Variants in RBFOX1 observed in about 807,000 individuals in gnomAD.
RBFOX1 encodes the protein RNA binding protein fox-1 homolog 1.
RBFOX1 carries 8 observed loss-of-function variants against 57.7 expected under a neutral mutation model. That is an observed-to-expected ratio of 0.14 (90% CI 0.08 to 0.25). RBFOX1 has a LOEUF of 0.25. Ranked by LOEUF, RBFOX1 falls within the 10% of genes least tolerant of loss-of-function variation. RBFOX1 has a pLI of 1.00. For missense variants in RBFOX1, 611 were observed against 548.5 expected (o/e 1.11, Z -1.14); for synonymous variants, 326 against 222.4 (o/e 1.47, Z -4.15).
chr16:7,070,785 C>T (rs2057171118), intron 4 of RBFOX1, among the ~76,000 whole-genome samples: 1 of 152,150 alleles, frequency 6.6e-6, no homozygotes, highest in Admixed American at 6.5e-5. Context: ...TTAGCCATCC[C>T]CCTTCCCCTT....
At chr16:6,220,073 T>C (rs2097362209) in intron 1 of RBFOX1, among the ~76,000 whole-genome samples, 1 of 152,126 alleles carries the variant, frequency 6.6e-6, no homozygotes, top group African/African-American at 2.4e-5. Context: ...TATAAATGTA[T>C]TTATCTATAT....
At chr16:6,780,039 A>T (rs1197322331) in intron 3 of RBFOX1, among the ~76,000 whole-genome samples, 1 of 41,494 alleles carries the variant, frequency 2.4e-5, no homozygotes, top group Non-Finnish European at 3.7e-5. Flanking sequence ...ATATATTTAT[A>T]TATATTTACA....
At chr16:6,271,433 AAAAC>A (rs987587389) in intron 1 of RBFOX1, among the ~76,000 whole-genome samples, 25 of 152,306 alleles carry the variant, frequency 1.6e-4, no homozygotes, top group African/African-American at 6.0e-4. Context: ...AAAAACAAAC[AAAAC>A]AAACAGGGAA....
chr16:6,758,012 C>A (rs12921090), intron 3 of RBFOX1, among the ~76,000 whole-genome samples: 69,981 of 151,976 alleles, frequency 0.46, 16,338 homozygotes, highest in Middle Eastern at 0.52. Context: ...TCCTCTATTA[C>A]ATTGAACTGT....
chr16:6,617,572 C>A lies in RBFOX1; in HGVS notation c.-63-37031C>A, dbSNP rs117113961. ...GTGGTTATAGACAGGGCTGGAGGAC[C>A]TTTCCTCCTACCACTTACATGTGGG... On this transcript the variant is annotated intron_variant, in intron 2 of 15. Transcript: ENST00000550418. Among the ~76,000 whole-genome samples, 192 of 152,158 alleles carry A rather than the reference C, an allele frequency of 1.3e-3. 1 individual carries two copies. Among genetic ancestry groups the A allele is most frequent in the Non-Finnish European group, 1.9e-3 (131 of 68,018 alleles).
chr16:6,873,630 C>T (rs935049108), intron 3 of RBFOX1, among the ~76,000 whole-genome samples: 2 of 152,116 alleles, frequency 1.3e-5, no homozygotes, highest in Admixed American at 6.6e-5. Flanking sequence ...TAAGATTTTA[C>T]ACCAGCCATG....
At chr16:5,530,046 A>C (rs2044403984) in intron 2 of RBFOX1, among the ~76,000 whole-genome samples, 1 of 152,148 alleles carries the variant, frequency 6.6e-6, no homozygotes, top group East Asian at 1.9e-4. Context: ...CCTTGCTTTC[A>C]GGCTTTTAGC....
At chr16:7,710,422 G>A in intron 15 of RBFOX1, 2 of 1,396,946 alleles carry the variant, frequency 1.4e-6, no homozygotes, top group Non-Finnish European at 1.8e-6. Flanking sequence ...TGGTTTTGCA[G>A]GGAATTTCTT....
chr16:6,899,589 C>T (rs886563588), intron 3 of RBFOX1, among the ~76,000 whole-genome samples: 16 of 152,292 alleles, frequency 1.1e-4, no homozygotes, highest in Middle Eastern at 6.8e-3. Flanking sequence ...AGATTTTGAG[C>T]ACAGCTCCAG....
chr16:5,285,365 A>AT (rs55960520), intron 1 of RBFOX1, among the ~76,000 whole-genome samples: 50,177 of 151,712 alleles, frequency 0.33, 8,773 homozygotes, highest in Admixed American at 0.47. Context: ...TGTTTTCCTG[A>AT]TTTTTTTGTA....
At chr16:7,084,343 G>A (rs1185370582) in intron 4 of RBFOX1, among the ~76,000 whole-genome samples, 19 of 151,578 alleles carry the variant, frequency 1.3e-4, no homozygotes, top group Admixed American at 1.2e-3. Context: ...GAGGAGGGAA[G>A]AAAGAAAAAA....
intron 3 of RBFOX1, among the ~76,000 whole-genome samples, chr16:5,716,880 G>A (rs1204226585): frequency 6.6e-6 from 1 of 152,182 alleles, no homozygotes; most frequent in Admixed American, 6.5e-5. Context: ...CCCCTAAAAT[G>A]TCCAAGCCTG....
intron 14 of RBFOX1, among the ~76,000 whole-genome samples, chr16:7,690,270 C>A (rs1028125122): frequency 1.3e-5 from 2 of 152,086 alleles, no homozygotes; most frequent in African/African-American, 4.8e-5. Flanking sequence ...AAGGTGAGGA[C>A]CATTCACCTC....
rs1320806785 is a variant in RBFOX1 at position 6,780,409 on chromosome 16, T to TA, written c.-16+125759_-16+125760insA. 2.2e-4 allele frequency among the ~76,000 whole-genome samples: 18 copies of TA among 82,418 alleles called. 2 individuals carry two copies. The highest frequency in any genetic ancestry group is 3.3e-4 in the Non-Finnish European group (17 of 52,152). The allele number at this position is 82,418 out of a possible 152,430, so 54.1% of individuals were successfully genotyped here. A position where few individuals can be genotyped will look rare whatever the true frequency, so the allele number is the denominator to read the frequency against. ...CATATTATATATATTTTTATATATATTTATATATATTTATATATATTTATA... is the reference window on the plus strand; with the variant it reads ...CATATTATATATATTTTTATATATATATTATATATATTTATATATATTTATA... On this transcript the variant is annotated intron_variant, in intron 3 of 15. Coordinates refer to ENST00000550418, the MANE Select transcript of RBFOX1 (RefSeq NM_018723.4).
chr16:7,676,792 C>A lies in RBFOX1; in HGVS notation c.949C>A (p.Arg317Ser). ...ADIYGGYAAY[R>S]YAQPTPATAA... Reference sequence around the variant, plus strand: ...GTTTTAGGGTGGTTATGCTGCATACCGCTACGCCCAGCCTACCCCTGCCAC... The same window carrying A: ...GTTTTAGGGTGGTTATGCTGCATACAGCTACGCCCAGCCTACCCCTGCCAC... The change falls in exon 14 of 16, where the codon CGC (arginine) becomes AGC (serine). Residue 317 changes from arginine to serine, a missense_variant. Around this residue, in one of 3 missense-constraint regions of RBFOX1, gnomAD observed 267 missense variants for 229.1 expected, o/e 1.17. Transcript: ENST00000550418. 6.2e-7 allele frequency: 1 copy of A among 1,613,210 alleles called. No homozygotes were observed. The highest frequency in any genetic ancestry group is 8.5e-7 in the Non-Finnish European group (1 of 1,179,436).
chr16:5,595,966 A>C (rs1224885159), intron 2 of RBFOX1, among the ~76,000 whole-genome samples: 1 of 152,148 alleles, frequency 6.6e-6, no homozygotes, highest in Non-Finnish European at 1.5e-5. Flanking sequence ...TTGAGTTGGT[A>C]CCATCTTCTG....
rs564221887 is a variant in RBFOX1, at chr16:5,777,063, C to T, written c.319-90240C>T. Among the ~76,000 whole-genome samples the T allele has an allele frequency of 7.2e-5, 11 of 152,332 alleles. No individual in the cohort carries two copies. In the South Asian group the frequency reaches 1.4e-3, roughly 20 times the overall value. ...CCTGCTGGCTGCTCTAATGCCCTGA[C>T]GTCATCCATTGCTGCTGGAGCAAAT... On this transcript the variant is annotated intron_variant, in intron 3 of 19. Coordinates refer to the RBFOX1 transcript ENST00000641259.
intron 4 of RBFOX1, among the ~76,000 whole-genome samples, chr16:7,256,581 T>G (rs1248429357): frequency 6.6e-6 from 1 of 152,202 alleles, no homozygotes; most frequent in East Asian, 1.9e-4. Flanking sequence ...GTAAACTGTG[T>G]GTGCGTTGAT....
chr16:7,140,505 T>G (rs1226442284), intron 4 of RBFOX1, among the ~76,000 whole-genome samples: 1 of 152,114 alleles, frequency 6.6e-6, no homozygotes, highest in East Asian at 1.9e-4. Flanking sequence ...ACCCAGGACC[T>G]AGCATATAGT....
Sources: gnomAD v4.1 joint callset for allele counts (sites outside exome capture counted in the v4.1 genomes callset) on GRCh38, gnomAD v4.1.1 for gene constraint, gnomAD v4.1.1 regional missense constraint, MANE v1.5 for transcripts, NCBI Gene and HGNC (gene_info 2026-07-23, HGNC 2026-07-21) for gene names.